LHFPL3: variants seen among roughly 807,000 people sequenced by gnomAD.
LHFPL3 encodes the protein LHFPL tetraspan subfamily member 3 protein.
LHFPL3 carries 5 observed loss-of-function variants against 19.3 expected under a neutral mutation model. The observed-to-expected ratio is 0.26, with a 90% CI of 0.14 to 0.54. The LOEUF is 0.54. Among genes scored for constraint, LHFPL3 ranks in the 20% least tolerant of loss-of-function variants. The pLI, the probability that LHFPL3 is intolerant of heterozygous loss-of-function variation, is 0.94. For missense variants in LHFPL3, 249 were observed against 307.4 expected (o/e 0.81, Z 1.42); for synonymous variants, 133 against 126.2 (o/e 1.05, Z -0.36).
intron 1 of LHFPL3, among the ~76,000 whole-genome samples, chr7:104,435,914 G>A (rs1792094783): frequency 6.6e-6 from 1 of 151,994 alleles, no homozygotes; most frequent in East Asian, 1.9e-4. Context: ...GATTCTAGAA[G>A]GGAAATGGCA....
At chr7:104,717,104 T>A (rs1360113184) in intron 1 of LHFPL3, among the ~76,000 whole-genome samples, 1 of 152,218 alleles carries the variant, frequency 6.6e-6, no homozygotes, top group Admixed American at 6.5e-5. Flanking sequence ...GATATATACC[T>A]GCAGAAGTAG....
intron 1 of LHFPL3, among the ~76,000 whole-genome samples, chr7:104,593,079 A>G (rs1467878936): frequency 1.3e-5 from 2 of 151,912 alleles, no homozygotes; most frequent in African/African-American, 4.8e-5. Context: ...ATCTTCTGCT[A>G]GCTTTTGGAT....
At chr7:104,673,971 A>G (rs1792537153) in intron 1 of LHFPL3, among the ~76,000 whole-genome samples, 1 of 147,744 alleles carries the variant, frequency 6.8e-6, no homozygotes, top group Admixed American at 6.7e-5. Flanking sequence ...GGTGCTGGAA[A>G]GAATGTTCAG....
At chr7:104,814,624 TC>T (rs113443553) in intron 2 of LHFPL3, among the ~76,000 whole-genome samples, 3,711 of 152,260 alleles carry the variant, frequency 0.024, 140 homozygotes, top group African/African-American at 0.082. Context: ...CCTGTCTGCC[TC>T]CCTCTGCCTT....
chr7:104,731,628 G>T (rs1405768059), intron 1 of LHFPL3, among the ~76,000 whole-genome samples: 1 of 151,744 alleles, frequency 6.6e-6, no homozygotes, highest in East Asian at 1.9e-4. Context: ...TTTGGGCTGA[G>T]ATGATGGGGT....
intron 1 of LHFPL3, among the ~76,000 whole-genome samples, chr7:104,705,803 C>T (rs1793180815): frequency 6.6e-6 from 1 of 152,154 alleles, no homozygotes; most frequent in African/African-American, 2.4e-5. Flanking sequence ...TTCCCCACTA[C>T]CGGAACTGGG....
rs75652948 is a variant in LHFPL3, at chr7:104,510,766, A to C, written c.445+181542A>C. 2.7e-3 allele frequency among the ~76,000 whole-genome samples: 413 copies of C among 152,214 alleles called. 2 individuals are homozygous for C. Among genetic ancestry groups the C allele is most frequent in the African/African-American group, 9.5e-3 (396 of 41,552 alleles). ...TAAAGTATAAGCTACCAAGTGGGAG[A>C]ATGTATTTGCAAACTACGTATTTGA... On this transcript the variant is annotated intron_variant, in intron 1 of 2. Transcript: ENST00000424859.
intron 2 of LHFPL3, among the ~76,000 whole-genome samples, chr7:104,864,029 A>C (rs1033964946): frequency 6.6e-6 from 1 of 152,172 alleles, no homozygotes; most frequent in African/African-American, 2.4e-5. Flanking sequence ...ACACTGTATA[A>C]CTGTTAGCTA....
At chr7:104,784,036 C>T (rs553046354) in intron 2 of LHFPL3, among the ~76,000 whole-genome samples, 42 of 152,156 alleles carry the variant, frequency 2.8e-4, no homozygotes, top group Non-Finnish European at 5.1e-4. Context: ...AATGTAGTGC[C>T]AACCCAGAGT....
At chr7:104,603,007 G>T (rs1036281940) in intron 1 of LHFPL3, among the ~76,000 whole-genome samples, 1 of 151,872 alleles carries the variant, frequency 6.6e-6, no homozygotes. Context: ...CCTCTTAAAG[G>T]TTCCACCTCT....
intron 2 of LHFPL3, among the ~76,000 whole-genome samples, chr7:104,847,516 AT>A (rs567593162): frequency 1.3e-5 from 2 of 151,838 alleles, no homozygotes; most frequent in African/African-American, 2.4e-5. Context: ...TTTATGGTGA[AT>A]TTTTTTTCTT....
chr7:104,903,867 A>G (rs1792543485), intron 2 of LHFPL3, among the ~76,000 whole-genome samples: 1 of 152,022 alleles, frequency 6.6e-6, no homozygotes, highest in Non-Finnish European at 1.5e-5. Context: ...TGTCTTTCCT[A>G]TTGTTAATAG....
At position 104,646,749 on chromosome 7, in the gene LHFPL3, A is replaced by T. The variant is rs1395583827; in HGVS notation, c.446-89926A>T. 3.3e-5 allele frequency among the ~76,000 whole-genome samples: 5 copies of T among 152,262 alleles called. 1 individual carries two copies. Among genetic ancestry groups the T allele is most frequent in the South Asian group, 2.1e-4 (1 of 4,836 alleles). On this transcript the variant is annotated intron_variant, in intron 1 of 2. Coordinates refer to ENST00000424859, the MANE Select transcript of LHFPL3 (RefSeq NM_199000.3). ...GTCACTAAGTTTATTTTCCACAAGA[A>T]TGATATACTTAGAATACAGAAATGA...
chr7:104,443,023 C>T (rs1792257116), intron 1 of LHFPL3, among the ~76,000 whole-genome samples: 1 of 152,174 alleles, frequency 6.6e-6, no homozygotes, highest in African/African-American at 2.4e-5. Context: ...CTCTCATTGA[C>T]TTGCATTATC....
At chr7:104,811,973 T>G (rs1042156590) in intron 2 of LHFPL3, among the ~76,000 whole-genome samples, 63 of 152,238 alleles carry the variant, frequency 4.1e-4, no homozygotes, top group African/African-American at 1.5e-3. Flanking sequence ...TTTGATAATT[T>G]GTTAACCTGA....
intron 1 of LHFPL3, among the ~76,000 whole-genome samples, chr7:104,724,181 C>G (rs1167666355): frequency 6.6e-6 from 1 of 152,066 alleles, no homozygotes; most frequent in African/African-American, 2.4e-5. Context: ...TAACGGAATG[C>G]CAGAAAACAG....
intron 1 of LHFPL3, among the ~76,000 whole-genome samples, chr7:104,437,042 C>T (rs180730194): frequency 2.0e-5 from 3 of 152,168 alleles, no homozygotes; most frequent in East Asian, 1.9e-4. Flanking sequence ...AGATTAAGTG[C>T]GATTATATTT....
At chr7:104,853,931 C>G (rs772814312) in intron 2 of LHFPL3, among the ~76,000 whole-genome samples, 1 of 151,852 alleles carries the variant, frequency 6.6e-6, no homozygotes, top group African/African-American at 2.4e-5. Context: ...GTTTACCCAC[C>G]AGAGAAAAAA....
chr7:104,506,813 A>T (rs1312361794), intron 1 of LHFPL3, among the ~76,000 whole-genome samples: 1 of 152,246 alleles, frequency 6.6e-6, no homozygotes, highest in Non-Finnish European at 1.5e-5. Context: ...TAATTTAAAG[A>T]AAAGGGTATG....
Sources: allele counts gnomAD v4.1 joint callset (sites outside exome capture counted in the v4.1 genomes callset), GRCh38; gene constraint gnomAD v4.1.1; transcripts MANE v1.5; gene names NCBI Gene and HGNC (gene_info 2026-07-23, HGNC 2026-07-21).